TRANK1: variants seen among roughly 807,000 people sequenced by gnomAD.
The protein encoded by TRANK1 is tetratricopeptide repeat and ankyrin repeat containing 1.
A neutral mutation model predicts 266.0 loss-of-function variants in TRANK1; 198 were observed. That is an observed-to-expected ratio of 0.74 (90% CI 0.66 to 0.84). The LOEUF (loss-of-function observed/expected upper bound fraction) is 0.84. TRANK1 is among the 40% of genes least tolerant of loss of function. The pLI, the probability that TRANK1 is intolerant of heterozygous loss-of-function variation, is 0.00. For synonymous variants in TRANK1, 1,396 were observed against 1,384.1 expected (o/e 1.01, Z -0.19); for missense variants, 3,326 against 3,634.6 (o/e 0.92, Z 2.18).
Position 36,831,005 on chromosome 3 carries a change from C to G in TRANK1, c.8578G>C (p.Glu2860Gln), listed in dbSNP as rs774447459. The G allele has an allele frequency of 1.2e-6, 2 of 1,614,006 alleles. No homozygotes were observed. The highest frequency in any genetic ancestry group is 3.3e-5 in the Admixed American group (2 of 60,028). ...TGACTGTGGATCCATACACTTTGCTCGATGTCCTGCACCACCAGCTTGCCT... is the reference window on the plus strand; with the variant it reads ...TGACTGTGGATCCATACACTTTGCTGGATGTCCTGCACCACCAGCTTGCCT... ...DEGKLVVQDI[E>Q]QSVWIHSHVG... is the part of the protein sequence containing the mutation. The change falls in exon 22 of 24, where the codon GAG (glutamate) becomes CAG (glutamine). Residue 2860 changes from glutamate (E) to glutamine (Q), a missense_variant. Glu to Gln is a conservative substitution (Grantham distance 29). Transcript: ENST00000645898. The surrounding 1 kb of genome is among the most constrained non-coding windows in gnomAD (Gnocchi z 5.0).
At chr3:36,878,151 A>T (rs1188921287) in intron 8 of TRANK1, among the ~76,000 whole-genome samples, 5 of 152,210 alleles carry the variant, frequency 3.3e-5, no homozygotes, top group Non-Finnish European at 7.3e-5. Context: ...AAGCAGCAGC[A>T]TTAGATTCTT....
chr3:36,917,904 A>G (rs1401601254), intron 1 of TRANK1, among the ~76,000 whole-genome samples: 2 of 152,236 alleles, frequency 1.3e-5, no homozygotes, highest in South Asian at 2.1e-4. Flanking sequence ...TAGATTAGCT[A>G]AAAGTCTGAA....
intron 10 of TRANK1, among the ~76,000 whole-genome samples, chr3:36,861,506 TAAATACTG>T (rs2079141881): frequency 6.6e-6 from 1 of 152,086 alleles, no homozygotes. Flanking sequence ...CCTTTCCTAA[TAAATACTG>T]AAATACAGAG....
chr3:36,900,851 CAAAA>C lies in TRANK1; in HGVS notation c.283-1596_283-1593del, dbSNP rs138198488. Among the ~76,000 whole-genome samples the C allele has an allele frequency of 9.0e-4, 57 of 63,014 alleles. 1 individual carries two copies. Among genetic ancestry groups the C allele is most frequent in the Middle Eastern group, 8.8e-3 (1 of 114 alleles). The allele number at this position is 63,014 out of a possible 152,430, so 41.3% of individuals were successfully genotyped here. A position where few individuals can be genotyped will look rare whatever the true frequency, so the allele number is the denominator to read the frequency against. On this transcript the variant is annotated intron_variant, in intron 3 of 23. Coordinates refer to ENST00000645898, the MANE Select transcript of TRANK1 (RefSeq NM_001329998.2). ...TGGGTGACAAAGCAAGACCCTGTCT[CAAAA>C]AAAAAAAAAAAAAAAAAAAAAGATA...
chr3:36,844,178 A>C (rs1422416159), intron 17 of TRANK1, among the ~76,000 whole-genome samples: 1 of 152,210 alleles, frequency 6.6e-6, no homozygotes, highest in Non-Finnish European at 1.5e-5. Context: ...TTTAAATTTA[A>C]AAAAGTCACT....
chr3:36,912,126 G>T (rs1439163973), intron 1 of TRANK1, among the ~76,000 whole-genome samples: 1 of 151,936 alleles, frequency 6.6e-6, no homozygotes, highest in Non-Finnish European at 1.5e-5. Context: ...GGAGATGCAG[G>T]TTGTAGTGAG....
Position 36,874,253 on chromosome 3 carries a change from A to G in TRANK1, c.951T>C (p.Asp317=). Residue 317 remains aspartate, a synonymous_variant, in exon 9 of 24, where the codon GAT becomes GAC. Coordinates refer to ENST00000645898, the MANE Select transcript of TRANK1 (RefSeq NM_001329998.2). The part of the protein sequence containing the change: ...DVQMLLRFGA[D]PTLLDRQSRS... ...GAGACTGTCGATCCAGCAAAGTGGGATCTGCCCCAAAGCGCAGGAGCATCT... is the reference window on the plus strand; with the variant it reads ...GAGACTGTCGATCCAGCAAAGTGGGGTCTGCCCCAAAGCGCAGGAGCATCT... The G allele has an allele frequency of 6.5e-7, 1 of 1,537,194 alleles. No individual in the cohort carries two copies. Among genetic ancestry groups the G allele is most frequent in the African/African-American group, 1.4e-5 (1 of 73,138 alleles).
chr3:36,874,022 G>T, intron 9 of TRANK1, 104 bp downstream of exon 9: 12 of 912,916 alleles, frequency 1.3e-5, no homozygotes, highest in East Asian at 3.0e-5. Context: ...ATATATATAT[G>T]TGTGTGTATA....
intron 14 of TRANK1, 56 bp from the exon 15 acceptor site, chr3:36,851,912 G>A: frequency 6.5e-7 from 1 of 1,526,972 alleles, no homozygotes; most frequent in Non-Finnish European, 8.8e-7. Context: ...GTAAGCCTCA[G>A]TCTATTTCTA....
chr3:36,870,681 A>C (rs1474420442), intron 9 of TRANK1, among the ~76,000 whole-genome samples: 1 of 152,206 alleles, frequency 6.6e-6, no homozygotes, highest in Non-Finnish European at 1.5e-5. Flanking sequence ...GCTTGACTGC[A>C]TCCACTACCA....
Position 36,833,832 on chromosome 3 carries a change from C to T in TRANK1, c.5751G>A (p.Lys1917=). 1 of 1,614,006 alleles carries T rather than the reference C, an allele frequency of 6.2e-7. No individual in the cohort carries two copies. Among genetic ancestry groups the T allele is most frequent in the Non-Finnish European group, 8.5e-7 (1 of 1,179,894 alleles). ...CCTTCATCTTATTTGCACTCAGATA[C>T]TTTGCTGCAGCTTCCAAGTAAAACT... ...ASQFYLEAAA[K]YLSANKMKEM... is the part of the protein sequence containing the mutation. The change falls in exon 22 of 24, where the codon AAG becomes AAA. Residue 1917 remains lysine, a synonymous_variant. Coordinates refer to ENST00000645898, the MANE Select transcript of TRANK1 (RefSeq NM_001329998.2).
intron 20 of TRANK1, among the ~76,000 whole-genome samples, chr3:36,836,988 A>T (rs1442692413): frequency 1.3e-5 from 2 of 152,190 alleles, no homozygotes; most frequent in Non-Finnish European, 2.9e-5. Flanking sequence ...TCCTTGCCAC[A>T]GTCACCAAGG....
intron 20 of TRANK1, among the ~76,000 whole-genome samples, chr3:36,837,760 C>T (rs2078789805): frequency 6.6e-6 from 1 of 152,254 alleles, no homozygotes; most frequent in Non-Finnish European, 1.5e-5. Context: ...CTGCTGACCA[C>T]TCTGTGAGTA....
rs564121550 is a variant in TRANK1 at position 36,890,282 on chromosome 3, A to G, written c.776-322T>C. ...AGCAAGAGATAGCATGAGAGAGAGCAAGGGAGGCAGGACAGGTAGGGGAAG... is the reference window on the plus strand; with the variant it reads ...AGCAAGAGATAGCATGAGAGAGAGCGAGGGAGGCAGGACAGGTAGGGGAAG... On this transcript the variant is annotated intron_variant, in intron 7 of 23. Transcript: ENST00000645898. 4.6e-5 allele frequency among the ~76,000 whole-genome samples: 7 copies of G among 152,282 alleles called. No individual in the cohort carries two copies. The South Asian group carries it at 1.2e-3, about 27-fold the overall frequency.
At chr3:36,892,528 T>C (rs2079715731) in intron 6 of TRANK1, among the ~76,000 whole-genome samples, 188 bp from the exon 7 acceptor site, 1 of 152,124 alleles carries the variant, frequency 6.6e-6, no homozygotes, top group South Asian at 2.1e-4. Flanking sequence ...CAAGGAAGTG[T>C]ATGTTTCAAG....
At chr3:36,924,903 G>A (rs1184389664) in intron 1 of TRANK1, among the ~76,000 whole-genome samples, 2 of 152,196 alleles carry the variant, frequency 1.3e-5, no homozygotes, top group East Asian at 3.8e-4. Context: ...AAGCTAAAGA[G>A]GCTCTCTGCT....
At chr3:36,864,231 T>A in intron 10 of TRANK1, 88 bp downstream of exon 10, 4 of 1,337,410 alleles carry the variant, frequency 3.0e-6, no homozygotes, top group Non-Finnish European at 3.9e-6. Context: ...TTTTATTTTT[T>A]AAAATTAATT....
Position 36,828,120 on chromosome 3 carries a change from A to C in TRANK1, c.*155T>G. 1 of 611,408 alleles carries C rather than the reference A, an allele frequency of 1.6e-6. No homozygotes were observed. The highest frequency in any genetic ancestry group is 2.9e-6 in the Non-Finnish European group (1 of 345,590). 37.9% of individuals were successfully genotyped at this position (611,408 alleles called of 1,614,324 possible). Reference sequence around the variant, plus strand: ...GAGCAATCAGATCCTAAGCCACTGAAAGAGAAGTAATGAGAATAAAAAGCA... The same window carrying C: ...GAGCAATCAGATCCTAAGCCACTGACAGAGAAGTAATGAGAATAAAAAGCA... On this transcript the variant is annotated 3_prime_UTR_variant, in exon 24 of 24. Transcript: ENST00000645898.
intron 1 of TRANK1, 149 bp from the exon 2 acceptor site, chr3:36,908,603 C>T: frequency 8.1e-7 from 1 of 1,230,124 alleles, no homozygotes; most frequent in Non-Finnish European, 1.0e-6. Context: ...CCTCTCACCA[C>T]CAGGAAACCA....
Sources: allele counts gnomAD v4.1 joint callset (sites outside exome capture counted in the v4.1 genomes callset), GRCh38; gene constraint gnomAD v4.1.1; non-coding constraint Gnocchi (gnomAD v3.1); transcripts MANE v1.5; gene names NCBI Gene and HGNC (gene_info 2026-07-23, HGNC 2026-07-21).